ATP8B1: variants seen among roughly 807,000 people sequenced by gnomAD.
ATP8B1 encodes ATPase phospholipid transporting 8B1.
ATP8B1 carries 80 observed loss-of-function variants against 149.9 expected under a neutral mutation model. The observed-to-expected ratio is 0.53, with a 90% confidence interval of 0.45 to 0.64. ATP8B1 has a LOEUF of 0.64. ATP8B1 is among the 30% of genes least tolerant of loss of function. The probability of loss-of-function intolerance (pLI) is 0.00; values close to 1 mark genes in which losing one functional copy is unlikely to be tolerated. For synonymous variants in ATP8B1, 536 were observed against 562.8 expected (o/e 0.95, Z 0.67); for missense variants, 1,247 against 1,552.6 (o/e 0.80, Z 3.31).
At chr18:57,674,386 CTTT>C (rs36078409) in intron 16 of ATP8B1, among the ~76,000 whole-genome samples, 4 of 128,396 alleles carry the variant, frequency 3.1e-5, no homozygotes, top group Non-Finnish European at 4.8e-5. Context: ...ATACCAGTTT[CTTT>C]TTTTTTTTTT....
intron 13 of ATP8B1, among the ~76,000 whole-genome samples, chr18:57,687,353 C>T (rs1362010722): frequency 6.6e-6 from 1 of 152,198 alleles, no homozygotes; most frequent in Non-Finnish European, 1.5e-5. Context: ...CCTTTTGTGA[C>T]TGGCTTACTT....
chr18:57,665,935 A>C (rs1450934265), intron 20 of ATP8B1, among the ~76,000 whole-genome samples: 1 of 127,148 alleles, frequency 7.9e-6, no homozygotes, highest in Non-Finnish European at 1.8e-5. Flanking sequence ...ATCAGTTCTA[A>C]ATGGAACTGA....
At chr18:57,776,799 C>T (rs200456516) in intron 1 of ATP8B1, among the ~76,000 whole-genome samples, 1 of 151,980 alleles carries the variant, frequency 6.6e-6, no homozygotes, top group East Asian at 1.9e-4. Context: ...CTGTCTAGGA[C>T]ATTTCCTAAT....
chr18:57,684,136 G>A lies in ATP8B1; in HGVS notation c.1530C>T (p.His510=). Residue 510 remains histidine, a synonymous_variant, in exon 15 of 28, where the codon CAC becomes CAT. Coordinates refer to ENST00000648908, the MANE Select transcript of ATP8B1 (RefSeq NM_001374385.1). ...YADGKLAFYD[H]YLIEQIQSGK... ...CTGACTGGATTTGCTCAATAAGATA[G>A]TGGTCATAAAATGCAAGCTTCCCAT... 1 of 1,614,136 alleles carries A rather than the reference G, an allele frequency of 6.2e-7. No homozygotes were observed.
At chr18:57,726,315 A>G (rs984425868) in intron 2 of ATP8B1, among the ~76,000 whole-genome samples, 3 of 152,246 alleles carry the variant, frequency 2.0e-5, no homozygotes, top group Admixed American at 6.5e-5. Context: ...GTAATACTTC[A>G]CAAGCACAGG....
chr18:57,796,104 G>T (rs1274749483), intron 1 of ATP8B1, among the ~76,000 whole-genome samples: 2 of 152,098 alleles, frequency 1.3e-5, no homozygotes, highest in Non-Finnish European at 2.9e-5. Context: ...GGAGGCAGAG[G>T]TTGCAGAGAG....
chr18:57,769,600 C>T (rs1329100763), intron 1 of ATP8B1, among the ~76,000 whole-genome samples: 3 of 152,170 alleles, frequency 2.0e-5, no homozygotes, highest in Non-Finnish European at 4.4e-5. Flanking sequence ...ACACACTTCA[C>T]TCTAAATTGA....
At chr18:57,755,560 T>C (rs187372094) in intron 1 of ATP8B1, 7 of 152,310 alleles carry the variant, frequency 4.6e-5, no homozygotes, top group East Asian at 3.9e-4. Context: ...CAGTTTCACA[T>C]TGACGCTTAA....
At chr18:57,730,062 C>T (rs1480353629) in intron 2 of ATP8B1, among the ~76,000 whole-genome samples, 1 of 152,074 alleles carries the variant, frequency 6.6e-6, no homozygotes, top group Non-Finnish European at 1.5e-5. Flanking sequence ...AGATGGGGCT[C>T]GCGGGGTGCA....
rs554785204 is a variant in ATP8B1, at chr18:57,761,843, G to A, written c.-25-30011C>T. On this transcript the variant is annotated intron_variant, in intron 1 of 27. Coordinates refer to ENST00000648908, the MANE Select transcript of ATP8B1 (RefSeq NM_001374385.1). ...TACACACCTGTAGTCCAAGCTGCTC[G>A]GGAGGCTGAGGCAGGAAAATCACTT... Among the ~76,000 whole-genome samples the A allele has an allele frequency of 2.1e-4, 32 of 150,226 alleles. 1 individual carries two copies. The South Asian group carries it at 6.3e-3, about 30-fold the overall frequency.
rs915417943 is a variant in ATP8B1 at position 57,655,350 on chromosome 18, G to A, written c.2775C>T (p.Ser925=). 1.9e-6 allele frequency: 3 copies of A among 1,614,084 alleles called. No homozygotes were observed. Among genetic ancestry groups the A allele is most frequent in the Admixed American group, 1.7e-5 (1 of 60,004 alleles). ...GMQAVMSSDY[S]FAQFRYLQRL... ...TCTGCAGATATCGGAACTGAGCAAAGGAATAGTCACTCGACATGACAGCTT... is the reference window on the plus strand; with the variant it reads ...TCTGCAGATATCGGAACTGAGCAAAAGAATAGTCACTCGACATGACAGCTT... Residue 925 remains serine (S), a synonymous_variant, in exon 23 of 28, where the codon TCC becomes TCT. Transcript: ENST00000648908.
chr18:57,775,879 G>A (rs960589888), intron 1 of ATP8B1, among the ~76,000 whole-genome samples: 4 of 152,088 alleles, frequency 2.6e-5, no homozygotes, highest in African/African-American at 9.7e-5. Flanking sequence ...CCCGACCTCA[G>A]GTGATCCGCC....
intron 1 of ATP8B1, among the ~76,000 whole-genome samples, chr18:57,776,039 T>C (rs73446922): frequency 0.012 from 1,785 of 152,266 alleles, 36 homozygotes; most frequent in African/African-American, 0.04. Flanking sequence ...GTAGGCTACA[T>C]TGGATTCTAA....
intron 2 of ATP8B1, among the ~76,000 whole-genome samples, chr18:57,718,832 TA>T (rs561608482): frequency 1.3e-5 from 2 of 152,022 alleles, no homozygotes; most frequent in East Asian, 1.9e-4. Context: ...CACTTCATGA[TA>T]AAAAAAATCC....
intron 20 of ATP8B1, among the ~76,000 whole-genome samples, chr18:57,664,458 A>G (rs1910728864): frequency 7.0e-6 from 1 of 143,622 alleles, no homozygotes; most frequent in Non-Finnish European, 1.5e-5. Context: ...ATGAGCCAAG[A>G]TTGCACCACT....
chr18:57,761,139 T>C (rs1014556581), intron 1 of ATP8B1, among the ~76,000 whole-genome samples: 17 of 123,208 alleles, frequency 1.4e-4, no homozygotes, highest in Non-Finnish European at 3.0e-4. Context: ...TAAAATAAAA[T>C]AAAATAAAAT....
chr18:57,791,346 C>CTTTTTTTTTTTTT lies in ATP8B1; in HGVS notation c.-26+11651_-26+11652insAAAAAAAAAAAAA, dbSNP rs1473257768. 2.2e-4 allele frequency among the ~76,000 whole-genome samples: 27 copies of CTTTTTTTTTTTTT among 124,956 alleles called. 2 individuals are homozygous for CTTTTTTTTTTTTT. Among genetic ancestry groups the CTTTTTTTTTTTTT allele is most frequent in the African/African-American group, 9.2e-4 (27 of 29,476 alleles). The allele number at this position is 124,956 out of a possible 152,430, so 82.0% of individuals were successfully genotyped here. On this transcript the variant is annotated intron_variant, in intron 1 of 27. Transcript: ENST00000648908. ...TTCCTTCCTTTTTTCTTTTTCTTTTCTTTTCTTTTTTTTTTTTTTTTTGAG... is the reference window on the plus strand; with the variant it reads ...TTCCTTCCTTTTTTCTTTTTCTTTTCTTTTTTTTTTTTTTTTTCTTTTTTTTTTTTTTTTTGAG...
At chr18:57,702,722 T>C (rs960673100) in intron 4 of ATP8B1, among the ~76,000 whole-genome samples, 6 of 152,034 alleles carry the variant, frequency 3.9e-5, no homozygotes, top group African/African-American at 1.5e-4. Flanking sequence ...CCAGGTGTGG[T>C]GGCGCATGCC....
intron 21 of ATP8B1, among the ~76,000 whole-genome samples, 170 bp downstream of exon 21, chr18:57,662,313 T>C (rs180853250): frequency 1.8e-3 from 273 of 152,374 alleles, no homozygotes; most frequent in African/African-American, 6.3e-3. Flanking sequence ...TTGGTATACA[T>C]CCTTTCATAT....
Sources: gnomAD v4.1 joint callset for allele counts (sites outside exome capture counted in the v4.1 genomes callset) on GRCh38, gnomAD v4.1.1 for gene constraint, MANE v1.5 for transcripts, NCBI Gene and HGNC (gene_info 2026-07-23, HGNC 2026-07-21) for gene names.